The following BNIP2 variants were observed in gnomAD, a reference collection of about 807,000 sequenced individuals.
BNIP2 encodes BCL2 interacting protein 2, also known as BCL2/adenovirus E1B 19 kDa protein-interacting protein 2.
Under a neutral mutation model 43.4 loss-of-function variants are expected in BNIP2, and 36 were observed. That is an observed-to-expected ratio of 0.83 (90% CI 0.64 to 1.10). The LOEUF (loss-of-function observed/expected upper bound fraction) is 1.10, where lower values mean the gene tolerates loss of function less well. Among genes scored for constraint, BNIP2 ranks in the 50% least tolerant of loss-of-function variants. The probability of loss-of-function intolerance (pLI) is 0.00; values close to 1 mark genes in which losing one functional copy is unlikely to be tolerated. For missense variants in BNIP2, 417 were observed against 374.1 expected, an observed-to-expected ratio of 1.11 and a Z score of -0.95; for synonymous variants, 146 against 121.0, an observed-to-expected ratio of 1.21 and a Z score of -1.35.
chr15:59,672,782 T>C (rs752742757), intron 5 of BNIP2, 43 bp from the exon 6 acceptor site: 13 of 1,452,140 alleles, frequency 9.0e-6, no homozygotes, highest in Non-Finnish European at 1.2e-5. Context: ...ACGATTTTAC[T>C]CTTAGGCATT....
At chr15:59,681,399 T>A (rs1306758403) in intron 2 of BNIP2, among the ~76,000 whole-genome samples, 1 of 152,142 alleles carries the variant, frequency 6.6e-6, no homozygotes, top group Non-Finnish European at 1.5e-5. Flanking sequence ...AAAATCCTTA[T>A]TAATTTACTT....
At position 59,660,857 on chromosome 15, in the gene BNIP2, C is replaced by T. The variant is rs868673339; in HGVS notation, c.*3212G>A. 4 of 152,272 alleles carry T rather than the reference C, an allele frequency of 2.6e-5. No individual in the cohort carries two copies. Among genetic ancestry groups the T allele is most frequent in the East Asian group, 1.9e-4 (1 of 5,184 alleles). 9.4% of individuals were successfully genotyped at this position (152,272 alleles called of 1,614,324 possible). ...GCTGTAACTGCTAACCTTCTCTGCT[C>T]GAACTTGCTTCTGTATGAAGAGACA... is the stretch of plus-strand genomic sequence containing the variant. On this transcript the variant is annotated 3_prime_UTR_variant, in exon 10 of 10. Coordinates refer to ENST00000607373, the MANE Select transcript of BNIP2 (RefSeq NM_004330.4).
chr15:59,674,099 A>C (rs567559997), intron 5 of BNIP2, among the ~76,000 whole-genome samples: 1 of 149,254 alleles, frequency 6.7e-6, no homozygotes, highest in African/African-American at 2.5e-5. Flanking sequence ...TCAAAAAAAA[A>C]ACAAAAACAA....
At chr15:59,664,639 C>T (rs1361014951) in intron 9 of BNIP2, among the ~76,000 whole-genome samples, 1 of 152,146 alleles carries the variant, frequency 6.6e-6, no homozygotes, top group Non-Finnish European at 1.5e-5. Context: ...CCTCAGCCTC[C>T]CAAAGTGCTG....
chr15:59,680,220 A>T, intron 3 of BNIP2, 21 bp downstream of exon 3: 1 of 1,502,952 alleles, frequency 6.7e-7, no homozygotes. Context: ...ATTTCAATGA[A>T]AGTAAGTGTC....
chr15:59,673,159 T>A (rs370674474), intron 5 of BNIP2, among the ~76,000 whole-genome samples: 1 of 150,744 alleles, frequency 6.6e-6, no homozygotes, highest in Non-Finnish European at 1.5e-5. Flanking sequence ...CGTTCTGTCG[T>A]CCAGGCTGGA....
chr15:59,664,892 C>G (rs573538829), intron 9 of BNIP2, among the ~76,000 whole-genome samples: 37 of 152,232 alleles, frequency 2.4e-4, no homozygotes, highest in African/African-American at 8.9e-4. Flanking sequence ...CTTATAGAAC[C>G]CATAATTATT....
chr15:59,674,346 TAA>T (rs1316284488), intron 5 of BNIP2, among the ~76,000 whole-genome samples: 1 of 152,078 alleles, frequency 6.6e-6, no homozygotes, highest in Admixed American at 6.6e-5. Context: ...CAAAATATAT[TAA>T]GTGTGGTAAT....
rs1174787173 is a variant in BNIP2 at position 59,677,033 on chromosome 15, T to C, written c.472+878A>G. On this transcript the variant is annotated intron_variant, in intron 5 of 9. Coordinates refer to ENST00000607373, the MANE Select transcript of BNIP2 (RefSeq NM_004330.4). Reference sequence around the variant, plus strand: ...GATTGATCAGGAGACTGTTAATCATTGATTCCCTTGGCATTCAGATGACTT... The same window carrying C: ...GATTGATCAGGAGACTGTTAATCATCGATTCCCTTGGCATTCAGATGACTT... 2.5e-6 allele frequency: 4 copies of C among 1,611,992 alleles called. No individual in the cohort carries two copies. The African/African-American group carries it at 4.0e-5, about 16-fold the overall frequency.
Position 59,668,093 on chromosome 15 carries a change from GTGCA to G in BNIP2, c.893+795_893+798del, listed in dbSNP as rs767747465. 12 of 1,296,140 alleles carry G rather than the reference GTGCA, an allele frequency of 9.3e-6. 1 individual carries two copies. In the South Asian group the frequency reaches 1.5e-4, roughly 16 times the overall value. The allele number at this position is 1,296,140 out of a possible 1,614,324, so 80.3% of individuals were successfully genotyped here. On this transcript the variant is annotated intron_variant, in intron 9 of 9. Transcript: ENST00000607373. ...AGTCTAGATGCAACCCAGTCAAGGTGTGCATATACCTTTTTTGTTTCTTTTTAAA... is the reference window on the plus strand; with the variant it reads ...AGTCTAGATGCAACCCAGTCAAGGTGTATACCTTTTTTGTTTCTTTTTAAA...
In BNIP2 at chr15:59,678,098, A is replaced by G. The variant is rs1893425185; in HGVS notation, c.296-11T>C. The G allele has an allele frequency of 2.5e-6, 4 of 1,599,056 alleles. No individual in the cohort carries two copies. The highest frequency in any genetic ancestry group is 2.2e-5 in the East Asian group (1 of 44,796). ...GTTTTGGAAGATCATCTGTCAAAAT[A>G]CAAAGTTTTTGAATCACAAATTGTT... is the stretch of plus-strand genomic sequence containing the variant. On this transcript the variant is annotated splice_polypyrimidine_tract_variant and intron_variant, in intron 4 of 9. Coordinates refer to ENST00000607373, the MANE Select transcript of BNIP2 (RefSeq NM_004330.4).
intron 1 of BNIP2, chr15:59,688,742 A>G (rs1452632294): frequency 1.8e-5 from 27 of 1,535,548 alleles, no homozygotes; most frequent in South Asian, 8.3e-5. Context: ...CAGAAGTCCA[A>G]GTTTCTTTGT....
At chr15:59,668,042 GAGTT>G in intron 9 of BNIP2, 1 of 1,098,286 alleles carries the variant, frequency 9.1e-7, no homozygotes, top group Non-Finnish European at 1.2e-6. Context: ...CAATAAGGAA[GAGTT>G]AGTCTGCAAT....
At chr15:59,679,794 A>G in intron 3 of BNIP2, 26 bp from the exon 4 acceptor site, 1 of 1,457,082 alleles carries the variant, frequency 6.9e-7, no homozygotes, top group Non-Finnish European at 9.0e-7. Context: ...AAAGAAAAAG[A>G]TACGTAACAA....
intron 6 of BNIP2, chr15:59,672,281 T>A (rs1892983432): frequency 6.1e-6 from 1 of 164,640 alleles, no homozygotes; most frequent in Non-Finnish European, 1.3e-5. Flanking sequence ...ATCTGGGATA[T>A]TTATTTTTCT....
chr15:59,669,972 A>G (rs1290002660), intron 7 of BNIP2, among the ~76,000 whole-genome samples: 1 of 152,228 alleles, frequency 6.6e-6, no homozygotes, highest in Non-Finnish European at 1.5e-5. Context: ...TTTAGATGTG[A>G]AGAGAAACCT....
chr15:59,668,859 C>A, intron 9 of BNIP2, 33 bp downstream of exon 9: 6 of 1,532,104 alleles, frequency 3.9e-6, no homozygotes, highest in Non-Finnish European at 5.4e-6. Flanking sequence ...ATGTTAAGAT[C>A]CAATACAATT....
rs368462233 is a variant in BNIP2, at chr15:59,676,836, G to A, written c.472+1075C>T. On this transcript the variant is annotated intron_variant, in intron 5 of 9. Transcript: ENST00000607373. Reference sequence around the variant, plus strand: ...CGCCGCTACTACTTCCCTTCCTGCCGGGAATTCTGCCTCAGCTGCCCTGGG... The same window carrying A: ...CGCCGCTACTACTTCCCTTCCTGCCAGGAATTCTGCCTCAGCTGCCCTGGG... 1.5e-5 allele frequency: 24 copies of A among 1,557,254 alleles called. 1 individual carries two copies. In the Middle Eastern group the frequency reaches 1.5e-3, roughly 97 times the overall value.
rs549268490 is a variant in BNIP2, at chr15:59,679,876, T to C, written c.119-108A>G. On this transcript the variant is annotated intron_variant, in intron 3 of 9. Transcript: ENST00000607373. ...CATTCTTGGGAAAAAATAATATTAA[T>C]TGAACATAATTTCAAAGCACCTATT... The C allele has an allele frequency of 1.2e-5, 12 of 1,020,184 alleles. No homozygotes were observed. In the East Asian group the frequency reaches 2.9e-4, roughly 25 times the overall value. The allele number at this position is 1,020,184 out of a possible 1,614,324, so 63.2% of individuals were successfully genotyped here. A position where few individuals can be genotyped will look rare whatever the true frequency, so the allele number is the denominator to read the frequency against.
Sources: allele counts gnomAD v4.1 joint callset (sites outside exome capture counted in the v4.1 genomes callset), GRCh38; gene constraint gnomAD v4.1.1; transcripts MANE v1.5; gene names NCBI Gene and HGNC (gene_info 2026-07-23, HGNC 2026-07-21).